C8orf34: variants seen among roughly 807,000 people sequenced by gnomAD.
The protein encoded by C8orf34 is chromosome 8 open reading frame 34.
A neutral mutation model predicts 68.3 loss-of-function variants in C8orf34; 65 were observed. The ratio of observed to expected loss-of-function variants is 0.95; its 90% CI spans 0.78 to 1.17. The LOEUF (loss-of-function observed/expected upper bound fraction) is 1.17, where lower values mean the gene tolerates loss of function less well. C8orf34 is among the 50% of genes most tolerant of loss of function. The probability of loss-of-function intolerance (pLI) is 0.00; values close to 1 mark genes in which losing one functional copy is unlikely to be tolerated. For synonymous variants in C8orf34, 244 were observed against 241.2 expected (o/e 1.01, Z -0.11); for missense variants, 664 against 655.4 (o/e 1.01, Z -0.14).
In C8orf34 at chr8:68,505,459, C is replaced by T. The variant is rs1813968674; in HGVS notation, c.766-16340C>T. 2.1e-5 allele frequency among the ~76,000 whole-genome samples: 2 copies of T among 94,730 alleles called. 1 individual carries two copies. The highest frequency in any genetic ancestry group is 3.7e-5 in the Non-Finnish European group (2 of 53,424). The allele number at this position is 94,730 out of a possible 152,430, so 62.1% of individuals were successfully genotyped here. A position where few individuals can be genotyped will look rare whatever the true frequency, so the allele number is the denominator to read the frequency against. On this transcript the variant is annotated intron_variant, in intron 5 of 13. Transcript: ENST00000518698. ...AAGAATGAGCAACATGGGCCGGGCG[C>T]GGTGGCTCACACCTGTAATCCCAGC...
intron 1 of C8orf34, among the ~76,000 whole-genome samples, chr8:68,369,702 C>A (rs1807474088): frequency 6.6e-6 from 1 of 151,552 alleles, no homozygotes; most frequent in South Asian, 2.1e-4. Context: ...AACAGCAAAC[C>A]AGAAGCTGTG....
intron 12 of C8orf34, among the ~76,000 whole-genome samples, chr8:68,797,365 T>A (rs1446593035): frequency 6.6e-6 from 1 of 152,152 alleles, no homozygotes; most frequent in Non-Finnish European, 1.5e-5. Context: ...GAAGGTCTCC[T>A]GATTGGGCTC....
chr8:68,446,524 A>G (rs975125221), intron 3 of C8orf34, 64 bp downstream of exon 3: 54 of 1,531,512 alleles, frequency 3.5e-5, no homozygotes, highest in Non-Finnish European at 4.7e-5. Flanking sequence ...AAGAAAATGA[A>G]GAAAAGGTAT....
At chr8:68,780,769 C>A in intron 11 of C8orf34, among the ~76,000 whole-genome samples, 1 of 152,134 alleles carries the variant, frequency 6.6e-6, no homozygotes, top group South Asian at 2.1e-4. Context: ...CACACATACA[C>A]ACACATACAC....
chr8:68,795,209 T>A (rs943623157), intron 12 of C8orf34, among the ~76,000 whole-genome samples: 2 of 152,186 alleles, frequency 1.3e-5, no homozygotes, highest in African/African-American at 4.8e-5. Flanking sequence ...CATACTGTAA[T>A]TTATTTGACA....
At chr8:68,806,832 C>T (rs2129529774) in intron 12 of C8orf34, among the ~76,000 whole-genome samples, 2 of 152,310 alleles carry the variant, frequency 1.3e-5, no homozygotes, top group East Asian at 3.9e-4. Flanking sequence ...TAAAACAATA[C>T]TCACTCATTT....
chr8:68,504,439 T>G lies in C8orf34; in HGVS notation c.765+16388T>G, dbSNP rs539443926. Among the ~76,000 whole-genome samples, 85 of 152,312 alleles carry G rather than the reference T, an allele frequency of 5.6e-4. 1 individual carries two copies. The highest frequency in any genetic ancestry group is 2.0e-3 in the African/African-American group (84 of 41,576). ...CATGTCGTTTCATTTCTTTGAGGTA[T>G]ATACAGAGGATAGGGAATGCTAGGT... On this transcript the variant is annotated intron_variant, in intron 5 of 13. Transcript: ENST00000518698.
Position 68,573,602 on chromosome 8 carries a change from G to A in C8orf34, c.1105+40453G>A, listed in dbSNP as rs142832347. On this transcript the variant is annotated intron_variant, in intron 7 of 13. Coordinates refer to ENST00000518698, the MANE Select transcript of C8orf34 (RefSeq NM_052958.4). ...CAGGCCTACTCTAGTTAAAAGTGGC[G>A]TCCAGGAAAAAACGTGATGGCCTGA... Among the ~76,000 whole-genome samples the A allele has an allele frequency of 3.6e-4, 55 of 152,188 alleles. 1 individual carries two copies. In the East Asian group the frequency reaches 7.7e-3, roughly 21 times the overall value.
At chr8:68,365,013 A>G (rs1457972692) in intron 1 of C8orf34, among the ~76,000 whole-genome samples, 2 of 151,328 alleles carry the variant, frequency 1.3e-5, no homozygotes, top group Non-Finnish European at 3.0e-5. Context: ...ATTAATAAAG[A>G]AAAAAAGAGA....
At chr8:68,578,580 T>C (rs1490314271) in intron 7 of C8orf34, among the ~76,000 whole-genome samples, 1 of 151,582 alleles carries the variant, frequency 6.6e-6, no homozygotes, top group Non-Finnish European at 1.5e-5. Flanking sequence ...GCCAGGGAGA[T>C]AAAAACCAAT....
At chr8:68,385,240 G>T (rs1331755455) in intron 1 of C8orf34, among the ~76,000 whole-genome samples, 1 of 152,070 alleles carries the variant, frequency 6.6e-6, no homozygotes, top group African/African-American at 2.4e-5. Context: ...TAAGGACATG[G>T]AGGCACAGAG....
intron 7 of C8orf34, among the ~76,000 whole-genome samples, chr8:68,615,646 G>C (rs917923792): frequency 6.6e-6 from 1 of 152,214 alleles, no homozygotes; most frequent in Non-Finnish European, 1.5e-5. Context: ...AAGCCCACTT[G>C]ATCATGGTGG....
chr8:68,496,597 T>C (rs1418671604), intron 5 of C8orf34, among the ~76,000 whole-genome samples: 1 of 152,224 alleles, frequency 6.6e-6, no homozygotes, highest in Non-Finnish European at 1.5e-5. Context: ...TCAGGCCGCT[T>C]GACGCTTGCC....
chr8:68,478,161 T>C (rs995851977), intron 4 of C8orf34, among the ~76,000 whole-genome samples: 1 of 152,144 alleles, frequency 6.6e-6, no homozygotes, highest in Non-Finnish European at 1.5e-5. Flanking sequence ...CCTGCAAAAT[T>C]TTCAAGTTTT....
At chr8:68,701,495 C>T (rs556471931) in intron 8 of C8orf34, among the ~76,000 whole-genome samples, 1 of 151,646 alleles carries the variant, frequency 6.6e-6, no homozygotes, top group Non-Finnish European at 1.5e-5. Context: ...TTCTGTTGCT[C>T]AGGTCAGAAA....
intron 1 of C8orf34, among the ~76,000 whole-genome samples, chr8:68,435,972 C>T (rs1187938594): frequency 6.6e-6 from 1 of 152,162 alleles, no homozygotes; most frequent in Non-Finnish European, 1.5e-5. Context: ...CTTTGGTAGG[C>T]CAAGGCAGGT....
chr8:68,487,191 G>A (rs531779153), intron 4 of C8orf34, among the ~76,000 whole-genome samples: 23 of 152,270 alleles, frequency 1.5e-4, no homozygotes, highest in African/African-American at 5.3e-4. Context: ...AGATTATCAA[G>A]AGAAGTATAT....
At chr8:68,417,809 A>C (rs1809743511) in intron 1 of C8orf34, among the ~76,000 whole-genome samples, 1 of 152,048 alleles carries the variant, frequency 6.6e-6, no homozygotes, top group Admixed American at 6.6e-5. Flanking sequence ...ACATTAAAGT[A>C]GTTTTTTCCA....
chr8:68,595,120 T>TAAA (rs369079634), intron 7 of C8orf34, among the ~76,000 whole-genome samples: 74 of 133,488 alleles, frequency 5.5e-4, no homozygotes, highest in African/African-American at 7.1e-4. Context: ...TTAAAAATGG[T>TAAA]AAAAAAAAAA....
Sources: allele counts gnomAD v4.1 joint callset (sites outside exome capture counted in the v4.1 genomes callset), GRCh38; gene constraint gnomAD v4.1.1; transcripts MANE v1.5; gene names NCBI Gene and HGNC (gene_info 2026-07-23, HGNC 2026-07-21).